ZMAT4: variants seen among roughly 807,000 people sequenced by gnomAD.
ZMAT4 encodes zinc finger matrin-type 4.
A neutral mutation model predicts 28.7 loss-of-function variants in ZMAT4; 17 were observed. The observed-to-expected ratio is 0.59, with a 90% CI of 0.41 to 0.89. ZMAT4 has a LOEUF of 0.89. Among genes scored for constraint, ZMAT4 ranks in the 40% least tolerant of loss-of-function variants. The probability of loss-of-function intolerance (pLI) is 0.00; values close to 1 mark genes in which losing one functional copy is unlikely to be tolerated. For synonymous variants in ZMAT4, 117 were observed against 109.2 expected (o/e 1.07, Z -0.44); for missense variants, 240 against 283.8 (o/e 0.85, Z 1.11).
At chr8:40,845,514 A>G (rs1167903009) in intron 1 of ZMAT4, among the ~76,000 whole-genome samples, 1 of 152,090 alleles carries the variant, frequency 6.6e-6, no homozygotes, top group Non-Finnish European at 1.5e-5. Context: ...CTTTTGCTGA[A>G]GTTGGTAAAA....
At chr8:40,750,506 C>A (rs1812413576) in intron 3 of ZMAT4, among the ~76,000 whole-genome samples, 1 of 152,098 alleles carries the variant, frequency 6.6e-6, no homozygotes, top group African/African-American at 2.4e-5. Flanking sequence ...GAGATGAAGA[C>A]AAATGGACCC....
At chr8:40,616,392 A>G (rs1270815696) in intron 5 of ZMAT4, among the ~76,000 whole-genome samples, 1 of 152,244 alleles carries the variant, frequency 6.6e-6, no homozygotes, top group East Asian at 1.9e-4. Flanking sequence ...CTGGGTATAT[A>G]CGCAAAGGAT....
chr8:40,833,540 C>CAATAAAAAAAAAAA (rs1816364223), intron 1 of ZMAT4, among the ~76,000 whole-genome samples: 1 of 87,098 alleles, frequency 1.1e-5, no homozygotes, highest in Non-Finnish European at 2.4e-5. Flanking sequence ...TACACTCCAG[C>CAATAAAAAAAAAAA]AAAAAAAAAA....
At chr8:40,745,003 A>G (rs1812160267) in intron 3 of ZMAT4, among the ~76,000 whole-genome samples, 1 of 152,202 alleles carries the variant, frequency 6.6e-6, no homozygotes, top group South Asian at 2.1e-4. Flanking sequence ...AAGAAAACAG[A>G]CTTGGAACAA....
chr8:40,594,315 T>C (rs896800417), intron 5 of ZMAT4, among the ~76,000 whole-genome samples: 1 of 152,182 alleles, frequency 6.6e-6, no homozygotes, highest in Non-Finnish European at 1.5e-5. Context: ...TCACAAATTA[T>C]AGATAAGAGA....
intron 1 of ZMAT4, among the ~76,000 whole-genome samples, chr8:40,831,355 A>AC (rs1181526419): frequency 1.3e-5 from 2 of 152,208 alleles, no homozygotes; most frequent in Non-Finnish European, 2.9e-5. Context: ...TCGTCCTCCC[A>AC]CAAGTGCTCA....
chr8:40,868,299 G>A (rs116826912), intron 1 of ZMAT4, among the ~76,000 whole-genome samples: 1 of 152,284 alleles, frequency 6.6e-6, no homozygotes, highest in African/African-American at 2.4e-5. Context: ...GGCCACAGCA[G>A]CTTGGAAACC....
chr8:40,768,574 G>A (rs1357592995), intron 2 of ZMAT4, among the ~76,000 whole-genome samples: 1 of 152,102 alleles, frequency 6.6e-6, no homozygotes, highest in Non-Finnish European at 1.5e-5. Context: ...CAGAATCTGG[G>A]TTCCAGCTCT....
At chr8:40,693,664 A>G (rs1211220827) in intron 4 of ZMAT4, among the ~76,000 whole-genome samples, 1 of 152,244 alleles carries the variant, frequency 6.6e-6, no homozygotes, top group Non-Finnish European at 1.5e-5. Context: ...CATCCCTGTT[A>G]TAACAACTCA....
At chr8:40,605,908 C>T (rs1805563327) in intron 5 of ZMAT4, among the ~76,000 whole-genome samples, 1 of 152,122 alleles carries the variant, frequency 6.6e-6, no homozygotes, top group Non-Finnish European at 1.5e-5. Context: ...TGGACTAGTA[C>T]TTTTATCATT....
At chr8:40,862,608 TG>T in intron 1 of ZMAT4, among the ~76,000 whole-genome samples, 1 of 143,594 alleles carries the variant, frequency 7.0e-6, no homozygotes, top group East Asian at 2.1e-4. Flanking sequence ...AAAGAAAATT[TG>T]GCACATATAC....
intron 6 of ZMAT4, among the ~76,000 whole-genome samples, chr8:40,571,100 T>C (rs1396607784): frequency 1.3e-5 from 2 of 152,114 alleles, no homozygotes; most frequent in African/African-American, 2.4e-5. Flanking sequence ...ATAATGATTA[T>C]AGGTCCCCCA....
intron 6 of ZMAT4, among the ~76,000 whole-genome samples, chr8:40,547,610 G>A (rs1351396380): frequency 6.6e-6 from 1 of 152,090 alleles, no homozygotes; most frequent in Non-Finnish European, 1.5e-5. Context: ...TTAGAGCTGG[G>A]CACTCTTTTA....
chr8:40,882,253 T>G (rs1160987832), intron 1 of ZMAT4, among the ~76,000 whole-genome samples: 1 of 152,206 alleles, frequency 6.6e-6, no homozygotes, highest in African/African-American at 2.4e-5. Flanking sequence ...AATCTATGTT[T>G]CTGCTCTTCC....
intron 1 of ZMAT4, among the ~76,000 whole-genome samples, chr8:40,830,426 G>T (rs145272481): frequency 6.6e-6 from 1 of 152,124 alleles, no homozygotes; most frequent in African/African-American, 2.4e-5. Context: ...GTGAGAGCAT[G>T]CAATATTTGA....
chr8:40,853,308 G>A (rs1276840640), intron 1 of ZMAT4, among the ~76,000 whole-genome samples: 3 of 152,162 alleles, frequency 2.0e-5, no homozygotes, highest in Non-Finnish European at 4.4e-5. Context: ...TGTAATCCCA[G>A]CACTTTGGGA....
At chr8:40,682,066 T>C (rs1423564293) in intron 4 of ZMAT4, among the ~76,000 whole-genome samples, 1 of 152,128 alleles carries the variant, frequency 6.6e-6, no homozygotes, top group Non-Finnish European at 1.5e-5. Flanking sequence ...CAATATAGAC[T>C]AGAAGGCTAT....
At chr8:40,662,307 G>A (rs1202305010) in intron 5 of ZMAT4, among the ~76,000 whole-genome samples, 4 of 152,064 alleles carry the variant, frequency 2.6e-5, no homozygotes, top group Admixed American at 1.3e-4. Flanking sequence ...ATATGAGTAG[G>A]GGTGTTTTGT....
At chr8:40,775,318 A>T (rs1052749619) in intron 2 of ZMAT4, among the ~76,000 whole-genome samples, 2 of 152,076 alleles carry the variant, frequency 1.3e-5, no homozygotes, top group Non-Finnish European at 2.9e-5. Context: ...CCATCTCTAA[A>T]CTCCATGGCT....
Sources: gnomAD v4.1 joint callset for allele counts (sites outside exome capture counted in the v4.1 genomes callset) on GRCh38, gnomAD v4.1.1 for gene constraint, MANE v1.5 for transcripts, NCBI Gene and HGNC (gene_info 2026-07-23, HGNC 2026-07-21) for gene names.